Variants in PPTC7 observed in about 807,000 individuals in gnomAD.
The protein encoded by PPTC7 is protein phosphatase PTC7 homolog.
In PPTC7, 6 loss-of-function variants were observed where a neutral mutation model predicts 30.8. That is an observed-to-expected ratio of 0.19 (90% confidence interval 0.11 to 0.38). The LOEUF (loss-of-function observed/expected upper bound fraction) is 0.38, where lower values mean the gene tolerates loss of function less well. Among genes scored for constraint, PPTC7 ranks in the 10% least tolerant of loss-of-function variants. The pLI, the probability that PPTC7 is intolerant of heterozygous loss-of-function variation, is 1.00. For missense variants in PPTC7, 218 were observed against 404.8 expected, an observed-to-expected ratio of 0.54 and a Z score of 3.96; for synonymous variants, 163 against 168.1, an observed-to-expected ratio of 0.97 and a Z score of 0.23.
chr12:110,582,264 CCG>C lies in PPTC7; in HGVS notation c.223+543_223+544del, dbSNP rs2064643867. On this transcript the variant is annotated intron_variant, in intron 1 of 5. Transcript: ENST00000354300. The stretch of plus-strand genomic sequence containing the variant: ...TTTTTCGCCAAGCCAGCAGCCCCCA[CCG>C]CCACACTCCGAAAAGGGTGAAGATT... Among the ~76,000 whole-genome samples the C allele has an allele frequency of 3.3e-5, 5 of 152,348 alleles. No individual in the cohort carries two copies. In the South Asian group the frequency reaches 1.0e-3, roughly 32 times the overall value.
In PPTC7 at chr12:110,583,140, C is replaced by G; in HGVS notation, c.-109G>C. The G allele has an allele frequency of 1.2e-6, 1 of 827,918 alleles. No individual in the cohort carries two copies. Among genetic ancestry groups the G allele is most frequent in the Non-Finnish European group, 1.6e-6 (1 of 635,576 alleles). 51.3% of individuals were successfully genotyped at this position (827,918 alleles called of 1,614,324 possible). ...CAGTCGCGCCGCCGCTGGGGCGCTC[C>G]TCAGGGCGGCGCGCAGTGGCCGCCG... On this transcript the variant is annotated 5_prime_UTR_variant, in exon 1 of 6. Coordinates refer to ENST00000354300, the MANE Select transcript of PPTC7 (RefSeq NM_139283.2).
At position 110,537,079 on chromosome 12, in the gene PPTC7, G is replaced by A. The variant is rs768877294; in HGVS notation, c.873C>T (p.Asp291=). 3 of 1,612,244 alleles carry A rather than the reference G, an allele frequency of 1.9e-6. No individual in the cohort carries two copies. The highest frequency in any genetic ancestry group is 2.5e-6 in the Non-Finnish European group (3 of 1,178,318). ...GLNVRGGKPD[D]ITVLLSIVAE... is the part of the protein sequence containing the mutation. ...CCACTATTGAAAGAAGGACGGTGAT[G>A]TCATCTGGCTTTCCACCTACAATGA... Residue 291 remains aspartate, a synonymous_variant, in exon 6 of 6, where the codon GAC becomes GAT. Coordinates refer to ENST00000354300, the MANE Select transcript of PPTC7 (RefSeq NM_139283.2).
chr12:110,542,953 C>G (rs538269553), intron 3 of PPTC7, among the ~76,000 whole-genome samples: 45 of 152,300 alleles, frequency 3.0e-4, no homozygotes, highest in African/African-American at 1.1e-3. Context: ...TTGGCGACTT[C>G]TTAAGGCCAG....
In PPTC7 at chr12:110,537,104, A is replaced by C; in HGVS notation, c.857-9T>G. The C allele has an allele frequency of 6.3e-7, 1 of 1,596,904 alleles. No homozygotes were observed. Among genetic ancestry groups the C allele is most frequent in the Non-Finnish European group, 8.6e-7 (1 of 1,164,462 alleles). On this transcript the variant is annotated splice_polypyrimidine_tract_variant and intron_variant, in intron 5 of 5. Coordinates refer to ENST00000354300, the MANE Select transcript of PPTC7 (RefSeq NM_139283.2). Reference sequence around the variant, plus strand: ...GTCATCTGGCTTTCCACCTACAATGAAAATGAGAACCTATCAGTATATTTT... The same window carrying C: ...GTCATCTGGCTTTCCACCTACAATGCAAATGAGAACCTATCAGTATATTTT...
rs559930523 is a variant in PPTC7, at chr12:110,573,415, A to T, written c.223+9394T>A. Among the ~76,000 whole-genome samples, 7 of 152,330 alleles carry T rather than the reference A, an allele frequency of 4.6e-5. No homozygotes were observed. In the South Asian group the frequency reaches 1.2e-3, roughly 27 times the overall value. Reference sequence around the variant, plus strand: ...TGCAGTTATGCTTACCAGTATGGAAACATGCACTCCAGCATGCTTCTGGAG... The same window carrying T: ...TGCAGTTATGCTTACCAGTATGGAATCATGCACTCCAGCATGCTTCTGGAG... On this transcript the variant is annotated intron_variant, in intron 1 of 5. Transcript: ENST00000354300.
At chr12:110,548,857 G>T (rs2135769494) in intron 2 of PPTC7, among the ~76,000 whole-genome samples, 1 of 152,262 alleles carries the variant, frequency 6.6e-6, no homozygotes, top group Middle Eastern at 3.4e-3. Context: ...TCTGGGCTTG[G>T]AGTGTACCCT....
At chr12:110,550,059 G>T (rs1201675836) in intron 2 of PPTC7, among the ~76,000 whole-genome samples, 1 of 152,066 alleles carries the variant, frequency 6.6e-6, no homozygotes, top group South Asian at 2.1e-4. Flanking sequence ...TATTGAAACT[G>T]CAAGACAAGA....
At chr12:110,563,461 C>T (rs2064455406) in intron 1 of PPTC7, among the ~76,000 whole-genome samples, 2 of 152,034 alleles carry the variant, frequency 1.3e-5, no homozygotes, top group African/African-American at 4.8e-5. Flanking sequence ...TATTAAAAAT[C>T]AAAATTAGCC....
chr12:110,581,650 C>T lies in PPTC7; in HGVS notation c.223+1159G>A, dbSNP rs139936355. 2.1e-3 allele frequency among the ~76,000 whole-genome samples: 315 copies of T among 152,320 alleles called. 1 individual carries two copies. Among genetic ancestry groups the T allele is most frequent in the Non-Finnish European group, 3.8e-3 (259 of 68,014 alleles). On this transcript the variant is annotated intron_variant, in intron 1 of 5. Coordinates refer to ENST00000354300, the MANE Select transcript of PPTC7 (RefSeq NM_139283.2). ...ATTCATAAATTAAACTGAGAACAACCTTTCCAGTCCCATGTTCACAAACAC... is the reference window on the plus strand; with the variant it reads ...ATTCATAAATTAAACTGAGAACAACTTTTCCAGTCCCATGTTCACAAACAC...
intron 2 of PPTC7, among the ~76,000 whole-genome samples, chr12:110,550,573 G>T (rs1030921272): frequency 7.2e-5 from 11 of 152,044 alleles, no homozygotes; most frequent in Admixed American, 7.2e-4. Flanking sequence ...TGGGAAGGAG[G>T]CCTTCTAGTA....
intron 1 of PPTC7, among the ~76,000 whole-genome samples, chr12:110,565,263 T>C (rs114454852): frequency 1.5e-3 from 221 of 152,148 alleles, no homozygotes; most frequent in African/African-American, 5.2e-3. Context: ...TTTTTTGTTT[T>C]GTTTCGTTTT....
chr12:110,534,404 G>A lies in PPTC7; in HGVS notation c.*2633C>T, dbSNP rs1260111271. 2.0e-5 allele frequency: 3 copies of A among 151,974 alleles called. No homozygotes were observed. Among genetic ancestry groups the A allele is most frequent in the Admixed American group, 2.0e-4 (3 of 15,260 alleles). 9.4% of individuals were successfully genotyped at this position (151,974 alleles called of 1,614,324 possible). ...AAAGTCCATTACATGAGGCGTGTGTGTGTGTGTGTGTTGCTTAAAATATAA... is the reference window on the plus strand; with the variant it reads ...AAAGTCCATTACATGAGGCGTGTGTATGTGTGTGTGTTGCTTAAAATATAA... On this transcript the variant is annotated 3_prime_UTR_variant, in exon 6 of 6. Coordinates refer to ENST00000354300, the MANE Select transcript of PPTC7 (RefSeq NM_139283.2).
At chr12:110,542,051 C>T (rs2064265282) in intron 3 of PPTC7, among the ~76,000 whole-genome samples, 1 of 151,754 alleles carries the variant, frequency 6.6e-6, no homozygotes, top group Admixed American at 6.6e-5. Context: ...GAGGCCGACA[C>T]AGGAGAATCA....
intron 1 of PPTC7, among the ~76,000 whole-genome samples, chr12:110,562,006 C>A (rs2064441773): frequency 1.3e-5 from 2 of 152,008 alleles, no homozygotes; most frequent in Admixed American, 1.3e-4. Flanking sequence ...GTTGTATCTG[C>A]AAATAATTAT....
At chr12:110,566,342 T>C (rs1208614694) in intron 1 of PPTC7, among the ~76,000 whole-genome samples, 1 of 152,170 alleles carries the variant, frequency 6.6e-6, no homozygotes, top group Non-Finnish European at 1.5e-5. Context: ...AAATCTAAAA[T>C]GATCTTTTCT....
At chr12:110,553,798 G>T (rs2064366589) in intron 1 of PPTC7, among the ~76,000 whole-genome samples, 1 of 152,122 alleles carries the variant, frequency 6.6e-6, no homozygotes, top group African/African-American at 2.4e-5. Flanking sequence ...AACAGAAAAA[G>T]AATATTTTAG....
At position 110,533,887 on chromosome 12, in the gene PPTC7, C is replaced by T. The variant is rs1037330226; in HGVS notation, c.*3150G>A. ...GGGCTACTGTCCTATCCAGAACACACGCAGCTGATAGAGGAGAGGACGCTC... is the reference window on the plus strand; with the variant it reads ...GGGCTACTGTCCTATCCAGAACACATGCAGCTGATAGAGGAGAGGACGCTC... On this transcript the variant is annotated 3_prime_UTR_variant, in exon 6 of 6. Transcript: ENST00000354300. 4 of 152,148 alleles carry T rather than the reference C, an allele frequency of 2.6e-5. No individual in the cohort carries two copies. Among genetic ancestry groups the T allele is most frequent in the Admixed American group, 6.6e-5 (1 of 15,256 alleles). The allele number at this position is 152,148 out of a possible 1,614,324, so 9.4% of individuals were successfully genotyped here.
At chr12:110,538,037 G>T (rs2064231974) in intron 5 of PPTC7, 107 bp downstream of exon 5, 3 of 1,216,208 alleles carry the variant, frequency 2.5e-6, no homozygotes, top group African/African-American at 3.0e-5. Flanking sequence ...CACAGTTTGG[G>T]GGCTGGGAGA....
At chr12:110,567,692 C>T (rs919297498) in intron 1 of PPTC7, among the ~76,000 whole-genome samples, 2 of 152,232 alleles carry the variant, frequency 1.3e-5, no homozygotes, top group African/African-American at 4.8e-5. Flanking sequence ...CCTGTTCTCC[C>T]ATTACACCCT....
Sources: allele counts gnomAD v4.1 joint callset (sites outside exome capture counted in the v4.1 genomes callset), GRCh38; gene constraint gnomAD v4.1.1; transcripts MANE v1.5; gene names NCBI Gene and HGNC (gene_info 2026-07-23, HGNC 2026-07-21).